Variants in MIB1 observed in about 807,000 individuals in gnomAD.
The protein encoded by MIB1 is MIB E3 ubiquitin protein ligase 1.
In MIB1, 278 loss-of-function variants were observed where a neutral mutation model predicts 124.5. The observed-to-expected ratio is 2.23, with a 90% confidence interval of 2.02 to 2.47. MIB1 has a LOEUF of 2.47. Among genes scored for constraint, MIB1 ranks in the 30% most tolerant of loss-of-function variants. The pLI is 0.00. For synonymous variants in MIB1, 446 were observed against 429.4 expected (o/e 1.04, Z -0.48); for missense variants, 957 against 1,254.4 (o/e 0.76, Z 3.58).
chr18:21,808,784 A>G (rs2041737884), intron 10 of MIB1, among the ~76,000 whole-genome samples: 1 of 151,960 alleles, frequency 6.6e-6, no homozygotes, highest in Non-Finnish European at 1.5e-5. Flanking sequence ...CGTGGACTCT[A>G]TTTTTTTCCC....
chr18:21,761,982 G>GT (rs2041103349), intron 1 of MIB1, among the ~76,000 whole-genome samples: 1 of 152,166 alleles, frequency 6.6e-6, no homozygotes, highest in African/African-American at 2.4e-5. Flanking sequence ...GGAGTACACG[G>GT]TGGGGGGGAC....
intron 20 of MIB1, among the ~76,000 whole-genome samples, chr18:21,859,379 T>C (rs1316742402): frequency 1.5e-5 from 2 of 134,106 alleles, no homozygotes; most frequent in Admixed American, 1.6e-4. Flanking sequence ...GGTGACAGAG[T>C]GAGACCCCAT....
At chr18:21,732,292 C>T (rs2040774535) in intron 1 of MIB1, among the ~76,000 whole-genome samples, 1 of 151,468 alleles carries the variant, frequency 6.6e-6, no homozygotes, top group African/African-American at 2.4e-5. Flanking sequence ...CATGTCTCTG[C>T]ACTCTAGCCT....
Position 21,804,016 on chromosome 18 carries a change from T to C in MIB1, c.1479+2T>C, listed in dbSNP as rs764711381. 6.3e-7 allele frequency: 1 copy of C among 1,597,804 alleles called. No individual in the cohort carries two copies. Among genetic ancestry groups the C allele is most frequent in the East Asian group, 2.2e-5 (1 of 44,742 alleles). On this transcript the variant is annotated splice_donor_variant, in intron 10 of 20. Coordinates refer to ENST00000261537, the MANE Select transcript of MIB1 (RefSeq NM_020774.4). LOFTEE classifies it high-confidence loss of function. ...CAAAACGTGGATGTCGAAGCAGAGG[T>C]AAGTAAACTTGAAAAATATTTTAAG...
intron 1 of MIB1, among the ~76,000 whole-genome samples, chr18:21,758,275 A>G (rs568702228): frequency 6.6e-6 from 1 of 152,218 alleles, no homozygotes; most frequent in Non-Finnish European, 1.5e-5. Flanking sequence ...ACCAGCTGGC[A>G]GGTCACAAAG....
rs1315364841 is a variant in MIB1 at position 21,741,962 on chromosome 18, A to G, written c.229+150A>G. On this transcript the variant is annotated intron_variant, in intron 1 of 20. Transcript: ENST00000261537. The surrounding 1 kb of genome is among the most constrained non-coding windows in gnomAD (Gnocchi z 5.4). ...AGCGGAAAGGCAAAGCGCCAAAGGAATTCTAGGTTCCGAACGGGTGAACAA... is the reference window on the plus strand; with the variant it reads ...AGCGGAAAGGCAAAGCGCCAAAGGAGTTCTAGGTTCCGAACGGGTGAACAA... The G allele has an allele frequency of 8.7e-6, 6 of 685,802 alleles. No individual in the cohort carries two copies. Among genetic ancestry groups the G allele is most frequent in the Admixed American group, 3.1e-5 (1 of 32,038 alleles). 42.5% of individuals were successfully genotyped at this position (685,802 alleles called of 1,614,324 possible).
Position 21,821,135 on chromosome 18 carries a change from A to G in MIB1, c.1829+1489A>G, listed in dbSNP as rs190144515. ...TTGCTGACCCAATTAAGTACTCACCACATTTACCTAGACTATTATACTATT... is the reference window on the plus strand; with the variant it reads ...TTGCTGACCCAATTAAGTACTCACCGCATTTACCTAGACTATTATACTATT... On this transcript the variant is annotated intron_variant, in intron 12 of 20. Coordinates refer to ENST00000261537, the MANE Select transcript of MIB1 (RefSeq NM_020774.4). 2.8e-3 allele frequency among the ~76,000 whole-genome samples: 421 copies of G among 152,228 alleles called. 4 individuals carry two copies. The South Asian group carries it at 0.037, about 13-fold the overall frequency.
intron 1 of MIB1, among the ~76,000 whole-genome samples, chr18:21,755,315 C>T (rs1236679299): frequency 6.7e-6 from 1 of 149,388 alleles, no homozygotes; most frequent in Non-Finnish European, 1.5e-5. Flanking sequence ...AAAATGGGTT[C>T]TGAATTGTAA....
intron 1 of MIB1, among the ~76,000 whole-genome samples, chr18:21,754,444 T>C (rs2041008365): frequency 6.6e-6 from 1 of 152,222 alleles, no homozygotes; most frequent in South Asian, 2.1e-4. Context: ...CCACACTGCC[T>C]ATGCTGCCCA....
At position 21,804,015 on chromosome 18, in the gene MIB1, G is replaced by T. The variant is rs1176765747; in HGVS notation, c.1479+1G>T. ...GCAAAACGTGGATGTCGAAGCAGAG[G>T]TAAGTAAACTTGAAAAATATTTTAA... On this transcript the variant is annotated splice_donor_variant, in intron 10 of 20. Coordinates refer to ENST00000261537, the MANE Select transcript of MIB1 (RefSeq NM_020774.4). LOFTEE classifies it high-confidence loss of function. 1.2e-6 allele frequency: 2 copies of T among 1,603,538 alleles called. No homozygotes were observed. Among genetic ancestry groups the T allele is most frequent in the East Asian group, 4.5e-5 (2 of 44,784 alleles).
chr18:21,864,498 T>C, intron 20 of MIB1, 28 bp from the exon 21 acceptor site: 1 of 1,568,606 alleles, frequency 6.4e-7, no homozygotes, highest in Non-Finnish European at 8.8e-7. Flanking sequence ...AAGTGTCTAA[T>C]TTATTACTTT....
chr18:21,812,428 A>T (rs910255798), intron 10 of MIB1: 2 of 152,246 alleles, frequency 1.3e-5, no homozygotes, highest in Admixed American at 1.3e-4. Flanking sequence ...ATAGATTGGG[A>T]TAAGAAAGTG....
chr18:21,770,647 CTATACGTGTTAGTCTTTTAAAGCTG>C (rs2041214545), intron 3 of MIB1, among the ~76,000 whole-genome samples: 1 of 152,022 alleles, frequency 6.6e-6, no homozygotes, highest in South Asian at 2.1e-4. Context: ...TTAAGTCTCA[CTATACGTGTTAGTCTTTTAAAGCTG>C]TTTGTTTTAC....
Position 21,866,750 on chromosome 18 carries a change from T to C in MIB1, c.*2084T>C, listed in dbSNP as rs2042324246. On this transcript the variant is annotated 3_prime_UTR_variant, in exon 21 of 21. Coordinates refer to ENST00000261537, the MANE Select transcript of MIB1 (RefSeq NM_020774.4). Reference sequence around the variant, plus strand: ...TTTAATTATTTCCTTTATAAGAATATGACATAAATTTTTATTATAGAAATA... The same window carrying C: ...TTTAATTATTTCCTTTATAAGAATACGACATAAATTTTTATTATAGAAATA... 1 of 152,358 alleles carries C rather than the reference T, an allele frequency of 6.6e-6. No individual in the cohort carries two copies. Among genetic ancestry groups the C allele is most frequent in the South Asian group, 2.1e-4 (1 of 4,828 alleles). 9.4% of individuals were successfully genotyped at this position (152,358 alleles called of 1,614,324 possible). A position where few individuals can be genotyped will look rare whatever the true frequency, so the allele number is the denominator to read the frequency against.
intron 15 of MIB1, 29 bp from the exon 16 acceptor site, chr18:21,846,915 G>T: frequency 6.2e-7 from 1 of 1,603,998 alleles, no homozygotes; most frequent in Non-Finnish European, 8.5e-7. Flanking sequence ...TTCCTAGAGG[G>T]AAAATCATGA....
At chr18:21,802,229 A>G (rs772609906) in intron 9 of MIB1, among the ~76,000 whole-genome samples, 7 of 152,128 alleles carry the variant, frequency 4.6e-5, no homozygotes, top group Non-Finnish European at 7.4e-5. Flanking sequence ...AACTTGCACA[A>G]TGATGCACCT....
chr18:21,734,604 C>A (rs931972748), intron 1 of MIB1, among the ~76,000 whole-genome samples: 2 of 151,874 alleles, frequency 1.3e-5, no homozygotes, highest in Non-Finnish European at 2.9e-5. Context: ...TCTCAGCTCA[C>A]TGCAACCTTT....
chr18:21,723,705 G>A (rs1366695130), intron 1 of MIB1, among the ~76,000 whole-genome samples: 22 of 151,964 alleles, frequency 1.4e-4, no homozygotes, highest in Admixed American at 1.3e-3. Flanking sequence ...TAGTAGAGAC[G>A]GGGTTTCCCC....
chr18:21,799,719 TA>T, intron 8 of MIB1, 121 bp from the exon 9 acceptor site: 3 of 999,200 alleles, frequency 3.0e-6, no homozygotes, highest in Non-Finnish European at 4.2e-6. Flanking sequence ...GGTAGAAAAA[TA>T]ACATTAATGA....
Sources: allele counts gnomAD v4.1 joint callset (sites outside exome capture counted in the v4.1 genomes callset), GRCh38; gene constraint gnomAD v4.1.1; non-coding constraint Gnocchi (gnomAD v3.1); transcripts MANE v1.5; gene names NCBI Gene and HGNC (gene_info 2026-07-23, HGNC 2026-07-21).